Variants in BIN3 observed in about 807,000 individuals in gnomAD.
BIN3 encodes the protein bridging integrator 3.
Under a neutral mutation model 38.2 loss-of-function variants are expected in BIN3, and 41 were observed. The ratio of observed to expected loss-of-function variants is 1.07; its 90% CI spans 0.84 to 1.39. The LOEUF (loss-of-function observed/expected upper bound fraction) is 1.39. Among genes scored for constraint, BIN3 ranks in the 40% most tolerant of loss-of-function variants. The pLI, the probability that BIN3 is intolerant of heterozygous loss-of-function variation, is 0.00. For synonymous variants in BIN3, 145 were observed against 122.6 expected (o/e 1.18, Z -1.21); for missense variants, 361 against 324.3 (o/e 1.11, Z -0.87).
chr8:22,657,705 G>A (rs1461045499), intron 1 of BIN3, among the ~76,000 whole-genome samples: 1 of 152,230 alleles, frequency 6.6e-6, no homozygotes, highest in Non-Finnish European at 1.5e-5. Context: ...AGTGGTGAAA[G>A]GTGGCAAGGA....
chr8:22,649,754 C>G (rs1446899836), intron 1 of BIN3, among the ~76,000 whole-genome samples: 1 of 149,004 alleles, frequency 6.7e-6, no homozygotes, highest in Non-Finnish European at 1.5e-5. Flanking sequence ...TTCTTGACTA[C>G]AAAAATAGCA....
At chr8:22,648,528 G>A (rs1411360627) in intron 1 of BIN3, among the ~76,000 whole-genome samples, 1 of 152,118 alleles carries the variant, frequency 6.6e-6, no homozygotes, top group Admixed American at 6.5e-5. Flanking sequence ...TATGGCTTTT[G>A]GGGTAGAAGA....
chr8:22,660,359 TC>T (rs1164258414), intron 1 of BIN3, among the ~76,000 whole-genome samples: 1 of 152,276 alleles, frequency 6.6e-6, no homozygotes, highest in Non-Finnish European at 1.5e-5. Flanking sequence ...ACTGGCCTCA[TC>T]TCCATTCCGA....
chr8:22,650,906 G>A (rs13257247), intron 1 of BIN3, among the ~76,000 whole-genome samples: 2 of 152,160 alleles, frequency 1.3e-5, no homozygotes, highest in Non-Finnish European at 2.9e-5. Context: ...TAATAACTTG[G>A]TTAGCTCAAT....
At chr8:22,668,998 G>A in intron 1 of BIN3, 46 bp downstream of exon 1, 2 of 1,555,890 alleles carry the variant, frequency 1.3e-6, no homozygotes, top group Non-Finnish European at 1.7e-6. Context: ...CAGGGGCCTC[G>A]CGGGTCCGCG....
At chr8:22,638,312 A>C (rs1167930852) in intron 2 of BIN3, among the ~76,000 whole-genome samples, 3 of 152,270 alleles carry the variant, frequency 2.0e-5, no homozygotes, top group Non-Finnish European at 4.4e-5. Flanking sequence ...TTTATGCTAC[A>C]AATGAGGAGC....
Position 22,648,897 on chromosome 8 carries a change from ATGTATGTATGTATGTATG to A in BIN3, c.9-4112_9-4095del, listed in dbSNP as rs1563972496. ...CCCTTTGACATATCCACATCAACGT[ATGTATGTATGTATGTATG>A]TATGTATGTATGTATGTATGTATGT... On this transcript the variant is annotated intron_variant, in intron 1 of 8. Coordinates refer to ENST00000276416, the MANE Select transcript of BIN3 (RefSeq NM_018688.6). Among the ~76,000 whole-genome samples the A allele has an allele frequency of 1.1e-3, 164 of 143,494 alleles. 1 individual carries two copies. Among genetic ancestry groups the A allele is most frequent in the Admixed American group, 1.4e-3 (21 of 14,732 alleles). 94.1% of individuals were successfully genotyped at this position (143,494 alleles called of 152,430 possible). A position where few individuals can be genotyped will look rare whatever the true frequency, so the allele number is the denominator to read the frequency against.
chr8:22,627,782 A>T (rs900266), intron 6 of BIN3, among the ~76,000 whole-genome samples: 62,339 of 152,160 alleles, frequency 0.41, 13,149 homozygotes, highest in South Asian at 0.5. Flanking sequence ...CTCCGAGGCC[A>T]GGTGGGGGCA....
intron 1 of BIN3, among the ~76,000 whole-genome samples, chr8:22,658,216 G>C (rs1368667118): frequency 6.6e-6 from 1 of 152,116 alleles, no homozygotes; most frequent in Non-Finnish European, 1.5e-5. Flanking sequence ...ACAAAATGGA[G>C]AAAACATTTC....
intron 4 of BIN3, among the ~76,000 whole-genome samples, chr8:22,631,344 C>T (rs1802195874): frequency 6.6e-6 from 1 of 152,106 alleles, no homozygotes; most frequent in Non-Finnish European, 1.5e-5. Flanking sequence ...CCTGCTCCCC[C>T]AGAATTTTGT....
rs982143363 is a variant in BIN3 at position 22,625,211 on chromosome 8, T to C, written c.339-848A>G. The C allele has an allele frequency of 2.9e-5, 19 of 659,408 alleles. No homozygotes were observed. In the Middle Eastern group the frequency reaches 1.1e-3, roughly 39 times the overall value. The allele number at this position is 659,408 out of a possible 1,614,324, so 40.8% of individuals were successfully genotyped here. A position where few individuals can be genotyped will look rare whatever the true frequency, so the allele number is the denominator to read the frequency against. ...ACACCGGCCTCGTCTTTGTGGATCA[T>C]GTGTCCTCTAGTGACCAGGAGCAGT... On this transcript the variant is annotated intron_variant, in intron 6 of 8. Transcript: ENST00000276416.
rs1241990454 is a variant in BIN3 at position 22,620,460 on chromosome 8, G to C, written c.*962C>G. On this transcript the variant is annotated 3_prime_UTR_variant, in exon 9 of 9. Coordinates refer to ENST00000276416, the MANE Select transcript of BIN3 (RefSeq NM_018688.6). Reference sequence around the variant, plus strand: ...TGGCTTGTTTTTTAAATAAACCAAAGTCAAAAACAAACTGAGAGTGTGTCC... The same window carrying C: ...TGGCTTGTTTTTTAAATAAACCAAACTCAAAAACAAACTGAGAGTGTGTCC... The C allele has an allele frequency of 9.3e-6, 1 of 107,282 alleles. No individual in the cohort carries two copies. The highest frequency in any genetic ancestry group is 3.3e-5 in the African/African-American group (1 of 29,904). The allele number at this position is 107,282 out of a possible 1,614,324, so 6.6% of individuals were successfully genotyped here.
intron 6 of BIN3, chr8:22,624,747 A>G: frequency 4.5e-6 from 1 of 219,946 alleles, no homozygotes. Context: ...CACACAACGG[A>G]CTAGGGGATG....
intron 1 of BIN3, among the ~76,000 whole-genome samples, chr8:22,650,357 T>G (rs1322613097): frequency 6.6e-6 from 1 of 152,248 alleles, no homozygotes; most frequent in East Asian, 1.9e-4. Flanking sequence ...AGTGTTTGCC[T>G]TTCACTTTTG....
At chr8:22,657,636 A>T (rs1313611604) in intron 1 of BIN3, among the ~76,000 whole-genome samples, 3 of 152,268 alleles carry the variant, frequency 2.0e-5, no homozygotes, top group Non-Finnish European at 4.4e-5. Context: ...AAAACTGGGC[A>T]GATGCCCTGA....
At chr8:22,656,519 A>C (rs1803061865) in intron 1 of BIN3, among the ~76,000 whole-genome samples, 3 of 152,238 alleles carry the variant, frequency 2.0e-5, no homozygotes, top group African/African-American at 7.2e-5. Flanking sequence ...TTAGGGTATG[A>C]AAATATGATA....
At chr8:22,665,323 G>A (rs562189148) in intron 1 of BIN3, among the ~76,000 whole-genome samples, 100 of 152,266 alleles carry the variant, frequency 6.6e-4, no homozygotes, top group Non-Finnish European at 1.1e-3. Context: ...GTCAGGAAAA[G>A]GGAAAAAAGG....
intron 2 of BIN3, among the ~76,000 whole-genome samples, chr8:22,642,192 T>C (rs1802585064): frequency 6.6e-6 from 1 of 152,208 alleles, no homozygotes; most frequent in Admixed American, 6.5e-5. Flanking sequence ...AGGGGCTCCA[T>C]GACTTCCAAT....
chr8:22,660,980 G>A (rs955022410), intron 1 of BIN3, among the ~76,000 whole-genome samples: 2 of 152,094 alleles, frequency 1.3e-5, no homozygotes, highest in African/African-American at 4.8e-5. Context: ...GAATTCCTGG[G>A]CTCCAGCAGT....
Sources: allele counts gnomAD v4.1 joint callset (sites outside exome capture counted in the v4.1 genomes callset), GRCh38; gene constraint gnomAD v4.1.1; transcripts MANE v1.5; gene names NCBI Gene and HGNC (gene_info 2026-07-23, HGNC 2026-07-21).